The following TFDP2 variants were observed in gnomAD, a reference collection of about 807,000 sequenced individuals.
TFDP2 encodes transcription factor Dp-2, also known as transcription factor Dp-2 (E2F dimerization partner 2).
TFDP2 carries 17 observed loss-of-function variants against 59.3 expected under a neutral mutation model. That is an observed-to-expected ratio of 0.29 (90% confidence interval 0.20 to 0.43). The LOEUF is 0.43. Among genes scored for constraint, TFDP2 ranks in the 20% least tolerant of loss-of-function variants. The pLI, the probability that TFDP2 is intolerant of heterozygous loss-of-function variation, is 1.00. For missense variants in TFDP2, 391 were observed against 528.8 expected (o/e 0.74, Z 2.56); for synonymous variants, 180 against 194.7 (o/e 0.92, Z 0.63).
intron 1 of TFDP2, among the ~76,000 whole-genome samples, chr3:142,110,541 A>T (rs1448806834): frequency 6.6e-6 from 1 of 152,054 alleles, no homozygotes; most frequent in East Asian, 1.9e-4. Flanking sequence ...TTATATAATA[A>T]TGAATAATGG....
intron 3 of TFDP2, among the ~76,000 whole-genome samples, chr3:142,049,098 A>T (rs977636233): frequency 6.6e-6 from 1 of 152,264 alleles, no homozygotes; most frequent in Non-Finnish European, 1.5e-5. Context: ...GAGAGAAAGT[A>T]AGATGGCAAC....
intron 2 of TFDP2, among the ~76,000 whole-genome samples, chr3:142,098,256 T>C (rs764523160): frequency 1.7e-4 from 26 of 149,680 alleles, no homozygotes; most frequent in Non-Finnish European, 3.5e-4. Context: ...TTCTTAAAGA[T>C]TCATTGACAA....
At chr3:141,972,248 C>CA (rs1939878641) in intron 8 of TFDP2, among the ~76,000 whole-genome samples, 1 of 152,236 alleles carries the variant, frequency 6.6e-6, no homozygotes, top group Non-Finnish European at 1.5e-5. Context: ...CCAACCAGGT[C>CA]AAGCTGCACT....
rs56004449 is a variant in TFDP2 at position 142,132,003 on chromosome 3, CA to C, written c.-93+17179del. ...TGGGCAATGGAGCAAGACTCCGTCT[CA>C]AAAAAAAAAAAAAAAAAAGTCTAAA... On this transcript the variant is annotated intron_variant, in intron 1 of 12. Transcript: ENST00000489671. Among the ~76,000 whole-genome samples, 277 of 83,440 alleles carry C rather than the reference CA, an allele frequency of 3.3e-3. 3 individuals are homozygous for C. Among genetic ancestry groups the C allele is most frequent in the Middle Eastern group, 0.012 (2 of 164 alleles). The allele number at this position is 83,440 out of a possible 152,430, so 54.7% of individuals were successfully genotyped here.
At chr3:142,005,395 C>A (rs754227033) in intron 4 of TFDP2, 46 bp downstream of exon 4, 2 of 1,441,660 alleles carry the variant, frequency 1.4e-6, no homozygotes, top group South Asian at 1.2e-5. Context: ...TTAAATTAGT[C>A]TTGGCTAAAC....
chr3:142,042,445 C>T (rs1280213583), intron 3 of TFDP2, among the ~76,000 whole-genome samples: 1 of 151,920 alleles, frequency 6.6e-6, no homozygotes, highest in African/African-American at 2.4e-5. Flanking sequence ...ACATGTGCCA[C>T]CACGCCCGGC....
At chr3:142,117,167 C>T (rs1004997300) in intron 1 of TFDP2, among the ~76,000 whole-genome samples, 3 of 152,016 alleles carry the variant, frequency 2.0e-5, no homozygotes, top group Non-Finnish European at 4.4e-5. Context: ...GTGATCTGCC[C>T]GCCTCCACCT....
chr3:141,980,782 C>T (rs1056179292), intron 6 of TFDP2, among the ~76,000 whole-genome samples: 4 of 152,054 alleles, frequency 2.6e-5, no homozygotes, highest in South Asian at 2.1e-4. Flanking sequence ...GTGATCCATC[C>T]GCCTTGGCCT....
chr3:142,093,891 A>T, intron 2 of TFDP2: 2 of 453,572 alleles, frequency 4.4e-6, no homozygotes, highest in Non-Finnish European at 8.7e-6. Context: ...ACTAAATGAG[A>T]TAATTCATGT....
intron 1 of TFDP2, among the ~76,000 whole-genome samples, chr3:142,148,743 G>A (rs2063269677): frequency 6.6e-6 from 1 of 152,218 alleles, no homozygotes; most frequent in Non-Finnish European, 1.5e-5. Context: ...GTTCCTTTAT[G>A]GGGCATATGA....
intron 1 of TFDP2, among the ~76,000 whole-genome samples, chr3:142,110,884 T>TA (rs1311494464): frequency 6.0e-5 from 9 of 150,356 alleles, no homozygotes; most frequent in African/African-American, 2.2e-4. Flanking sequence ...GCCCAGGAGG[T>TA]AGAGGCTGCA....
intron 1 of TFDP2, among the ~76,000 whole-genome samples, chr3:142,117,538 G>A (rs1392214817): frequency 1.3e-5 from 2 of 152,052 alleles, no homozygotes; most frequent in African/African-American, 4.8e-5. Flanking sequence ...AGAGCAGAGG[G>A]GCAAAGGGGA....
At chr3:141,971,645 C>T (rs1446698270) in intron 8 of TFDP2, among the ~76,000 whole-genome samples, 1 of 152,124 alleles carries the variant, frequency 6.6e-6, no homozygotes, top group Non-Finnish European at 1.5e-5. Context: ...GTCACTCATG[C>T]TGAAATGCCA....
intron 1 of TFDP2, among the ~76,000 whole-genome samples, chr3:142,113,923 C>T (rs920602127): frequency 2.6e-5 from 4 of 151,886 alleles, no homozygotes; most frequent in African/African-American, 9.7e-5. Context: ...CCAGCACTTT[C>T]GGAGGCCGAG....
At chr3:141,961,711 TAA>T in intron 10 of TFDP2, among the ~76,000 whole-genome samples, 1 of 152,316 alleles carries the variant, frequency 6.6e-6, no homozygotes, top group African/African-American at 2.4e-5. Flanking sequence ...GTAAATACTA[TAA>T]TTCTTATTTT....
intron 3 of TFDP2, among the ~76,000 whole-genome samples, chr3:142,043,316 G>A (rs1380515935): frequency 2.0e-5 from 3 of 151,702 alleles, no homozygotes. Context: ...CAAAGTGCTG[G>A]GATTACAGGC....
At position 141,944,742 on chromosome 3, in the gene TFDP2, G is replaced by C. The variant is rs759175602; in HGVS notation, c.*7771C>G. 2.6e-5 allele frequency: 4 copies of C among 152,210 alleles called. No individual in the cohort carries two copies. Among genetic ancestry groups the C allele is most frequent in the Admixed American group, 2.6e-4 (4 of 15,274 alleles). 9.4% of individuals were successfully genotyped at this position (152,210 alleles called of 1,614,324 possible). A position where few individuals can be genotyped will look rare whatever the true frequency, so the allele number is the denominator to read the frequency against. ...ACCACCCTTAGTGGAACACTGCTTA[G>C]GACTTGTCTGTTATCTACCAGAAGC... On this transcript the variant is annotated 3_prime_UTR_variant, in exon 13 of 13. Coordinates refer to ENST00000489671, the MANE Select transcript of TFDP2 (RefSeq NM_001178139.2).
At chr3:141,977,793 C>G (rs891412890) in intron 7 of TFDP2, among the ~76,000 whole-genome samples, 8 of 151,832 alleles carry the variant, frequency 5.3e-5, no homozygotes, top group Admixed American at 4.6e-4. Flanking sequence ...TTACTGCAAC[C>G]TCCGCCTCCC....
chr3:142,031,433 T>G (rs552003417), intron 3 of TFDP2, among the ~76,000 whole-genome samples: 1 of 152,298 alleles, frequency 6.6e-6, no homozygotes, highest in South Asian at 2.1e-4. Flanking sequence ...GAGCCTTTTC[T>G]CTGGTCTCAA....
Sources: gnomAD v4.1 joint callset for allele counts (sites outside exome capture counted in the v4.1 genomes callset) on GRCh38, gnomAD v4.1.1 for gene constraint, MANE v1.5 for transcripts, NCBI Gene and HGNC (gene_info 2026-07-23, HGNC 2026-07-21) for gene names.